The following CCSER1 variants were observed in gnomAD, a reference collection of about 807,000 sequenced individuals.
The protein encoded by CCSER1 is coiled-coil serine rich protein 1.
In CCSER1, 41 loss-of-function variants were observed where a neutral mutation model predicts 82.0. The ratio of observed to expected loss-of-function variants is 0.50; its 90% CI spans 0.39 to 0.65. The LOEUF (loss-of-function observed/expected upper bound fraction) is 0.65. Ranked by LOEUF, CCSER1 falls within the 30% of genes least tolerant of loss-of-function variation. CCSER1 has a pLI of 0.00. For synonymous variants in CCSER1, 414 were observed against 383.9 expected (o/e 1.08, Z -0.92); for missense variants, 1,119 against 1,064.2 (o/e 1.05, Z -0.72).
intron 6 of CCSER1, among the ~76,000 whole-genome samples, chr4:90,651,623 C>T (rs112824624): frequency 6.6e-6 from 1 of 151,826 alleles, no homozygotes; most frequent in African/African-American, 2.4e-5. Flanking sequence ...ACCACCATGG[C>T]ACGTGTATAC....
chr4:90,758,046 C>G (rs1275729077), intron 7 of CCSER1, among the ~76,000 whole-genome samples: 1 of 150,916 alleles, frequency 6.6e-6, no homozygotes, highest in Admixed American at 6.6e-5. Context: ...TCAAGCGATT[C>G]TCCTGCCTCA....
intron 10 of CCSER1, among the ~76,000 whole-genome samples, chr4:91,540,516 CTCT>C (rs1160440237): frequency 1.3e-5 from 2 of 152,008 alleles, no homozygotes; most frequent in Non-Finnish European, 2.9e-5. Context: ...CTCTTTTATT[CTCT>C]TGATATTGTC....
intron 10 of CCSER1, among the ~76,000 whole-genome samples, chr4:91,509,319 C>G (rs2203637): frequency 6.6e-6 from 1 of 152,002 alleles, no homozygotes; most frequent in South Asian, 2.1e-4. Context: ...CAAACTGCCT[C>G]GCATATAATC....
intron 10 of CCSER1, among the ~76,000 whole-genome samples, chr4:91,547,438 A>G (rs1262745786): frequency 6.6e-6 from 1 of 152,072 alleles, no homozygotes; most frequent in Non-Finnish European, 1.5e-5. Flanking sequence ...TGGCCCCTTT[A>G]TCTTTATGTA....
At chr4:91,471,823 A>G (rs1178593177) in intron 10 of CCSER1, among the ~76,000 whole-genome samples, 1 of 152,036 alleles carries the variant, frequency 6.6e-6, no homozygotes, top group Non-Finnish European at 1.5e-5. Flanking sequence ...CAAAAAAAGT[A>G]GCCGGGCATA....
intron 7 of CCSER1, among the ~76,000 whole-genome samples, chr4:90,778,372 T>C (rs1240937601): frequency 6.6e-6 from 1 of 152,124 alleles, no homozygotes; most frequent in Non-Finnish European, 1.5e-5. Flanking sequence ...CTGGAGAAGA[T>C]TAATTTGAAA....
Position 91,117,408 on chromosome 4 carries a change from G to C in CCSER1, c.2217+31414G>C, listed in dbSNP as rs150508754. ...TCTAACTTTATGCCACACATTCCTT[G>C]TCTGGGACCTATGTCAGGGTTATTG... On this transcript the variant is annotated intron_variant, in intron 10 of 10. Coordinates refer to ENST00000509176, the MANE Select transcript of CCSER1 (RefSeq NM_001145065.2). Among the ~76,000 whole-genome samples, 628 of 152,258 alleles carry C rather than the reference G, an allele frequency of 4.1e-3. 4 individuals are homozygous for C. The highest frequency in any genetic ancestry group is 0.014 in the African/African-American group (590 of 41,562).
At chr4:90,488,047 C>T (rs1767389584) in intron 5 of CCSER1, among the ~76,000 whole-genome samples, 1 of 152,122 alleles carries the variant, frequency 6.6e-6, no homozygotes, top group Non-Finnish European at 1.5e-5. Context: ...TAGTTCATAA[C>T]CCAGAAGAAA....
intron 3 of CCSER1, among the ~76,000 whole-genome samples, chr4:90,366,405 A>G (rs1401869286): frequency 6.6e-6 from 1 of 151,814 alleles, no homozygotes; most frequent in African/African-American, 2.4e-5. Context: ...GTATAAATTT[A>G]TGGGGTACAA....
chr4:91,505,706 C>A (rs2110103182), intron 10 of CCSER1, among the ~76,000 whole-genome samples: 1 of 152,278 alleles, frequency 6.6e-6, no homozygotes, highest in African/African-American at 2.4e-5. Flanking sequence ...TGATGCTGAG[C>A]TTATTTTCAT....
chr4:91,330,284 T>C (rs1746856596), intron 10 of CCSER1, among the ~76,000 whole-genome samples: 1 of 152,078 alleles, frequency 6.6e-6, no homozygotes, highest in Middle Eastern at 3.2e-3. Flanking sequence ...AGTAGAAAAA[T>C]GGGATGGAAA....
At chr4:90,190,699 G>A (rs1190203811) in intron 1 of CCSER1, among the ~76,000 whole-genome samples, 1 of 152,072 alleles carries the variant, frequency 6.6e-6, no homozygotes, top group East Asian at 1.9e-4. Flanking sequence ...GCCTGCATTT[G>A]TTGCCTTTGC....
At chr4:91,008,729 C>T (rs1738735837) in intron 9 of CCSER1, among the ~76,000 whole-genome samples, 1 of 152,172 alleles carries the variant, frequency 6.6e-6, no homozygotes, top group Non-Finnish European at 1.5e-5. Flanking sequence ...TAAAGAGTTA[C>T]TACTGATGTT....
At chr4:91,241,621 T>C (rs1371746126) in intron 10 of CCSER1, among the ~76,000 whole-genome samples, 1 of 152,136 alleles carries the variant, frequency 6.6e-6, no homozygotes, top group Non-Finnish European at 1.5e-5. Context: ...GCACCGTGCC[T>C]GGCCAGCCAT....
chr4:90,868,234 A>G (rs909591542), intron 8 of CCSER1, among the ~76,000 whole-genome samples: 2 of 152,138 alleles, frequency 1.3e-5, no homozygotes, highest in East Asian at 3.9e-4. Context: ...TTAAATGTGT[A>G]GCCAAATTAT....
chr4:90,258,350 T>C (rs1036828248), intron 1 of CCSER1, among the ~76,000 whole-genome samples: 7 of 152,078 alleles, frequency 4.6e-5, no homozygotes, highest in African/African-American at 1.4e-4. Flanking sequence ...CCGTTTCTAC[T>C]AAACATACAA....
At chr4:91,395,079 A>C (rs1163430698) in intron 10 of CCSER1, among the ~76,000 whole-genome samples, 2 of 152,022 alleles carry the variant, frequency 1.3e-5, no homozygotes, top group Non-Finnish European at 2.9e-5. Context: ...TGAAAGATGA[A>C]ACTTTCAAAA....
intron 10 of CCSER1, among the ~76,000 whole-genome samples, chr4:91,145,431 A>T (rs1310670977): frequency 6.6e-6 from 1 of 152,096 alleles, no homozygotes; most frequent in Admixed American, 6.6e-5. Flanking sequence ...CCTTTTAAGT[A>T]GGGTGTTTAG....
chr4:90,807,871 T>A (rs1028176349), intron 7 of CCSER1, among the ~76,000 whole-genome samples: 1 of 152,096 alleles, frequency 6.6e-6, no homozygotes, highest in African/African-American at 2.4e-5. Flanking sequence ...CCCAACGTCA[T>A]TTTTTGCAGA....
Sources: allele counts gnomAD v4.1 joint callset (sites outside exome capture counted in the v4.1 genomes callset), GRCh38; gene constraint gnomAD v4.1.1; transcripts MANE v1.5; gene names NCBI Gene and HGNC (gene_info 2026-07-23, HGNC 2026-07-21).